The following PAK5 variants were observed in gnomAD, a reference collection of about 807,000 sequenced individuals.
PAK5 encodes the protein p21 (RAC1) activated kinase 5.
In PAK5, 16 loss-of-function variants were observed where a neutral mutation model predicts 65.9. That is an observed-to-expected ratio of 0.24 (90% confidence interval 0.16 to 0.37). PAK5 has a LOEUF of 0.37. Among genes scored for constraint, PAK5 ranks in the 10% least tolerant of loss-of-function variants. PAK5 has a pLI of 1.00. For missense variants in PAK5, 785 were observed against 903.9 expected, an observed-to-expected ratio of 0.87 and a Z score of 1.69; for synonymous variants, 371 against 354.9, an observed-to-expected ratio of 1.05 and a Z score of -0.51.
At chr20:9,717,458 T>C (rs1178096314) in intron 1 of PAK5, among the ~76,000 whole-genome samples, 1 of 152,230 alleles carries the variant, frequency 6.6e-6, no homozygotes, top group Non-Finnish European at 1.5e-5. Context: ...AGCAGCATTT[T>C]AGTCACCGAA....
intron 1 of PAK5, among the ~76,000 whole-genome samples, chr20:9,822,044 T>A (rs893160624): frequency 6.6e-6 from 1 of 151,984 alleles, no homozygotes; most frequent in African/African-American, 2.4e-5. Context: ...ATCCCAACAC[T>A]TTGGGAGGCT....
chr20:9,554,335 C>T (rs752824461), intron 7 of PAK5, among the ~76,000 whole-genome samples: 5 of 152,190 alleles, frequency 3.3e-5, no homozygotes, highest in East Asian at 1.9e-4. Context: ...TTTCTTGGGA[C>T]GCACTCTTGG....
intron 1 of PAK5, among the ~76,000 whole-genome samples, chr20:9,714,464 T>C (rs895127041): frequency 4.6e-5 from 7 of 152,180 alleles, no homozygotes; most frequent in Admixed American, 1.3e-4. Flanking sequence ...GATCACACTT[T>C]ACATGGCTAT....
At chr20:9,780,928 A>G (rs1256500975) in intron 1 of PAK5, among the ~76,000 whole-genome samples, 2 of 152,166 alleles carry the variant, frequency 1.3e-5, no homozygotes, top group Non-Finnish European at 2.9e-5. Flanking sequence ...TTATCTAGGT[A>G]TTATGATGAT....
At chr20:9,734,443 C>A (rs2048366732) in intron 1 of PAK5, among the ~76,000 whole-genome samples, 1 of 151,818 alleles carries the variant, frequency 6.6e-6, no homozygotes, top group African/African-American at 2.4e-5. Flanking sequence ...GACAGAGATA[C>A]AGAAATGACA....
At chr20:9,673,049 T>C (rs1334076699) in intron 2 of PAK5, among the ~76,000 whole-genome samples, 1 of 152,088 alleles carries the variant, frequency 6.6e-6, no homozygotes, top group Non-Finnish European at 1.5e-5. Context: ...CAATTGCCCA[T>C]ATGAAAGGAA....
intron 2 of PAK5, among the ~76,000 whole-genome samples, chr20:9,675,842 T>C (rs1269009954): frequency 6.6e-6 from 1 of 152,250 alleles, no homozygotes; most frequent in Admixed American, 6.5e-5. Flanking sequence ...CTTATTCTGT[T>C]AGTCACAAGG....
chr20:9,625,172 C>T (rs764056390), intron 3 of PAK5, among the ~76,000 whole-genome samples: 1 of 152,178 alleles, frequency 6.6e-6, no homozygotes, highest in Non-Finnish European at 1.5e-5. Flanking sequence ...CTCCAAACCA[C>T]TTCCTTCTCC....
chr20:9,772,517 G>T (rs183761418), intron 1 of PAK5, among the ~76,000 whole-genome samples: 1 of 152,210 alleles, frequency 6.6e-6, no homozygotes, highest in Non-Finnish European at 1.5e-5. Flanking sequence ...GGCTCTAAAC[G>T]CCCCAGTCTC....
intron 1 of PAK5, among the ~76,000 whole-genome samples, chr20:9,828,478 T>C (rs1978453296): frequency 6.6e-6 from 1 of 152,164 alleles, no homozygotes; most frequent in African/African-American, 2.4e-5. Context: ...CATACCCACA[T>C]AGCAACTGTT....
chr20:9,713,765 G>C lies in PAK5; in HGVS notation c.-161-2330C>G, dbSNP rs900349651. On this transcript the variant is annotated intron_variant, in intron 1 of 9. Coordinates refer to ENST00000353224, the MANE Select transcript of PAK5 (RefSeq NM_177990.4). ...TGTTAAGTGAAACAAGCCAGGCAAAGAAAATGTTCTCACTCACACATGGGA... is the reference window on the plus strand; with the variant it reads ...TGTTAAGTGAAACAAGCCAGGCAAACAAAATGTTCTCACTCACACATGGGA... Among the ~76,000 whole-genome samples the C allele has an allele frequency of 2.0e-5, 3 of 152,154 alleles. No homozygotes were observed. In the South Asian group the frequency reaches 6.2e-4, roughly 32 times the overall value.
At chr20:9,754,189 C>G (rs1183558222) in intron 1 of PAK5, among the ~76,000 whole-genome samples, 1 of 152,118 alleles carries the variant, frequency 6.6e-6, no homozygotes, top group African/African-American at 2.4e-5. Context: ...CCAGTGAGTT[C>G]ATTTTGCCCA....
chr20:9,713,646 A>G (rs925050506), intron 1 of PAK5, among the ~76,000 whole-genome samples: 1 of 152,042 alleles, frequency 6.6e-6, no homozygotes, highest in Non-Finnish European at 1.5e-5. Flanking sequence ...GATAAAGAAA[A>G]TGTGGTATAT....
intron 1 of PAK5, among the ~76,000 whole-genome samples, chr20:9,836,209 A>T (rs1041178275): frequency 3.9e-5 from 6 of 152,178 alleles, no homozygotes; most frequent in Non-Finnish European, 7.3e-5. Flanking sequence ...TAATGTTGTC[A>T]TCAAACACAG....
chr20:9,624,968 G>A (rs947707464), intron 3 of PAK5, among the ~76,000 whole-genome samples: 1 of 152,170 alleles, frequency 6.6e-6, no homozygotes, highest in African/African-American at 2.4e-5. Context: ...GTGGGCAACA[G>A]AACTTTATAA....
Position 9,580,275 on chromosome 20 carries a change from C to G in PAK5, c.860G>C (p.Arg287Thr). ...SPQPTMRQRSRSGSGLQEPMM... is the reference protein window; with the variant it reads ...SPQPTMRQRSTSGSGLQEPMM... ...CGGTTCCTGGAGTCCCGAGCCTGAC[C>G]TGGACCTCTGCCGCATGGTGGGCTG... is the stretch of plus-strand genomic sequence containing the variant. Residue 287 changes from arginine to threonine, a missense_variant, in exon 4 of 10, where the codon AGG becomes ACG. Physicochemically the swap from Arg to Thr is moderately conservative, Grantham distance 71. Transcript: ENST00000353224. 1 of 1,614,162 alleles carries G rather than the reference C, an allele frequency of 6.2e-7. No homozygotes were observed. Among genetic ancestry groups the G allele is most frequent in the South Asian group, 1.1e-5 (1 of 91,082 alleles).
chr20:9,662,137 G>A (rs2047355397), intron 2 of PAK5, among the ~76,000 whole-genome samples: 1 of 152,154 alleles, frequency 6.6e-6, no homozygotes, highest in African/African-American at 2.4e-5. Flanking sequence ...GTGCCTATGT[G>A]ATGGGAAAAT....
chr20:9,825,610 A>T (rs546759657), intron 1 of PAK5, among the ~76,000 whole-genome samples: 43 of 152,294 alleles, frequency 2.8e-4, no homozygotes, highest in East Asian at 1.2e-3. Flanking sequence ...CAGAAATTTT[A>T]AAAAAATTGT....
At chr20:9,634,986 C>T (rs2046966193) in intron 3 of PAK5, among the ~76,000 whole-genome samples, 1 of 152,134 alleles carries the variant, frequency 6.6e-6, no homozygotes, top group Admixed American at 6.5e-5. Flanking sequence ...CCGCTGAGGG[C>T]CTTGGTTCTG....
Sources: allele counts gnomAD v4.1 joint callset (sites outside exome capture counted in the v4.1 genomes callset), GRCh38; gene constraint gnomAD v4.1.1; transcripts MANE v1.5; gene names NCBI Gene and HGNC (gene_info 2026-07-23, HGNC 2026-07-21).